MAST2: variants seen among roughly 807,000 people sequenced by gnomAD.
The protein encoded by MAST2 is microtubule associated serine/threonine kinase 2.
Under a neutral mutation model 147.4 loss-of-function variants are expected in MAST2, and 70 were observed. That is an observed-to-expected ratio of 0.47 (90% CI 0.39 to 0.58). MAST2 has a LOEUF of 0.58. MAST2 is among the 20% of genes least tolerant of loss of function. The probability of loss-of-function intolerance (pLI) is 0.00; values close to 1 mark genes in which losing one functional copy is unlikely to be tolerated. For missense variants in MAST2, 2,080 were observed against 2,302.3 expected (o/e 0.90, Z 1.98); for synonymous variants, 869 against 896.8 (o/e 0.97, Z 0.55).
chr1:45,839,536 A>T (rs1464140730), intron 3 of MAST2, among the ~76,000 whole-genome samples: 1 of 152,178 alleles, frequency 6.6e-6, no homozygotes. Flanking sequence ...GCCTCCCGAA[A>T]TGCTGGCTTA....
chr1:45,808,784 G>A (rs936762340), intron 1 of MAST2, among the ~76,000 whole-genome samples: 5 of 151,816 alleles, frequency 3.3e-5, no homozygotes, highest in African/African-American at 1.2e-4. Context: ...ATAAATACTC[G>A]TTAAATGTTC....
intron 4 of MAST2, among the ~76,000 whole-genome samples, chr1:45,924,709 G>A (rs1654081675): frequency 6.6e-6 from 1 of 152,146 alleles, no homozygotes; most frequent in East Asian, 1.9e-4. Context: ...CTAACCCCTA[G>A]TAACTCAGAA....
At chr1:45,994,053 A>T (rs1644953106) in intron 5 of MAST2, among the ~76,000 whole-genome samples, 1 of 152,162 alleles carries the variant, frequency 6.6e-6, no homozygotes, top group South Asian at 2.1e-4. Flanking sequence ...TGAAGTCAGG[A>T]TGCATCACCC....
chr1:45,913,002 GA>G (rs1651912387), intron 4 of MAST2, among the ~76,000 whole-genome samples: 6 of 152,186 alleles, frequency 3.9e-5, no homozygotes, highest in African/African-American at 1.4e-4. Context: ...CCCTTCAATA[GA>G]GGTCTTCTGC....
chr1:45,926,921 A>AG (rs1341307600), intron 4 of MAST2, among the ~76,000 whole-genome samples: 1 of 152,250 alleles, frequency 6.6e-6, no homozygotes, highest in Non-Finnish European at 1.5e-5. Flanking sequence ...CTTGCCTATC[A>AG]GGGGACCTGT....
At chr1:45,987,785 T>TTTTTTTTTTTTG in intron 5 of MAST2, among the ~76,000 whole-genome samples, 1 of 140,940 alleles carries the variant, frequency 7.1e-6, no homozygotes, top group Non-Finnish European at 1.5e-5. Flanking sequence ...TGATTTTTTT[T>TTTTTTTTTTTTG]TTTTTTTTTT....
chr1:45,881,660 T>A (rs954576007), intron 3 of MAST2, among the ~76,000 whole-genome samples: 3 of 152,114 alleles, frequency 2.0e-5, no homozygotes, highest in Admixed American at 2.0e-4. Context: ...TTTCTAGTTA[T>A]CACCCACTGC....
chr1:45,997,247 A>G (rs892300933), intron 5 of MAST2, among the ~76,000 whole-genome samples: 14 of 152,178 alleles, frequency 9.2e-5, no homozygotes, highest in African/African-American at 3.4e-4. Flanking sequence ...CCTACCTGAG[A>G]ACTTCTCTTT....
intron 4 of MAST2, chr1:45,917,306 C>T (rs1041979133): frequency 3.0e-6 from 4 of 1,326,744 alleles, no homozygotes; most frequent in African/African-American, 1.5e-5. Flanking sequence ...TTATCACTGA[C>T]CTTGTTTTTT....
intron 4 of MAST2, among the ~76,000 whole-genome samples, chr1:45,896,570 T>G (rs2148444818): frequency 6.6e-6 from 1 of 152,168 alleles, no homozygotes; most frequent in South Asian, 2.1e-4. Context: ...AGGGTGGAAC[T>G]CTCTCATGGG....
intron 5 of MAST2, among the ~76,000 whole-genome samples, chr1:45,978,894 A>G (rs767368070): frequency 1.1e-4 from 17 of 152,226 alleles, no homozygotes; most frequent in Admixed American, 2.0e-4. Context: ...GCTAACAGGT[A>G]TAGATTCATT....
At chr1:45,922,943 G>T (rs937309235) in intron 4 of MAST2, among the ~76,000 whole-genome samples, 3 of 152,200 alleles carry the variant, frequency 2.0e-5, no homozygotes, top group African/African-American at 7.2e-5. Flanking sequence ...TGTTTACATG[G>T]TGATCTGCTC....
At chr1:45,832,630 C>T (rs72891030) in intron 3 of MAST2, among the ~76,000 whole-genome samples, 2,388 of 152,214 alleles carry the variant, frequency 0.016, 59 homozygotes, top group African/African-American at 0.054. Context: ...ATTCTAACAA[C>T]GTACTTCTTT....
intron 15 of MAST2, among the ~76,000 whole-genome samples, chr1:46,024,634 A>G (rs1296941130): frequency 2.6e-5 from 4 of 152,246 alleles, no homozygotes; most frequent in Admixed American, 6.5e-5. Context: ...GTAAGAAGGA[A>G]GTAACATGAA....
At chr1:46,016,091 T>C (rs1645927499) in intron 10 of MAST2, among the ~76,000 whole-genome samples, 1 of 151,774 alleles carries the variant, frequency 6.6e-6, no homozygotes, top group Non-Finnish European at 1.5e-5. Flanking sequence ...ATTATCTCAA[T>C]AGATGCAGAA....
intron 6 of MAST2, among the ~76,000 whole-genome samples, chr1:46,001,522 T>A (rs1459593304): frequency 3.3e-5 from 5 of 152,192 alleles, no homozygotes; most frequent in African/African-American, 1.2e-4. Context: ...TGTGTGGTGC[T>A]CCCAGGACCC....
At chr1:45,875,492 C>A (rs1460253550) in intron 3 of MAST2, among the ~76,000 whole-genome samples, 2 of 151,992 alleles carry the variant, frequency 1.3e-5, no homozygotes, top group East Asian at 1.9e-4. Flanking sequence ...TTTCATTATA[C>A]CCACAGTTAT....
intron 3 of MAST2, among the ~76,000 whole-genome samples, chr1:45,836,363 G>A (rs1645101057): frequency 6.6e-6 from 1 of 152,112 alleles, no homozygotes; most frequent in South Asian, 2.1e-4. Context: ...GTCTGTTGAG[G>A]TCACATGGAG....
At chr1:46,003,891 C>T (rs1645375249) in intron 7 of MAST2, among the ~76,000 whole-genome samples, 2 of 152,182 alleles carry the variant, frequency 1.3e-5, no homozygotes, top group Admixed American at 6.5e-5. Flanking sequence ...CTGCTGACCC[C>T]ATCCCCATTA....
Sources: gnomAD v4.1 joint callset for allele counts (sites outside exome capture counted in the v4.1 genomes callset) on GRCh38, gnomAD v4.1.1 for gene constraint, MANE v1.5 for transcripts, NCBI Gene and HGNC (gene_info 2026-07-23, HGNC 2026-07-21) for gene names.